Variants in COL20A1 observed in about 807,000 individuals in gnomAD.
The protein encoded by COL20A1 is collagen alpha-1(XX) chain.
COL20A1 carries 164 observed loss-of-function variants against 152.9 expected under a neutral mutation model. That is an observed-to-expected ratio of 1.07 (90% CI 0.94 to 1.22). The LOEUF (loss-of-function observed/expected upper bound fraction) is 1.22, where lower values mean the gene tolerates loss of function less well. COL20A1 is among the 50% of genes most tolerant of loss of function. The probability of loss-of-function intolerance (pLI) is 0.00; values close to 1 mark genes in which losing one functional copy is unlikely to be tolerated. For synonymous variants in COL20A1, 864 were observed against 756.0 expected (o/e 1.14, Z -2.34); for missense variants, 1,873 against 1,744.8 (o/e 1.07, Z -1.31).
Position 63,323,111 on chromosome 20 carries a change from A to G in COL20A1, c.3294+1000A>G, listed in dbSNP as rs1388661590. On this transcript the variant is annotated intron_variant, in intron 27 of 35. Coordinates refer to ENST00000358894, the MANE Select transcript of COL20A1 (RefSeq NM_020882.4). ...GGCTGCTTTGGGAGCCGCGTCTGAT[A>G]GATGAAAATGCATTTCTCTTCCAAG... Among the ~76,000 whole-genome samples, 5 of 152,276 alleles carry G rather than the reference A, an allele frequency of 3.3e-5. No individual in the cohort carries two copies. The East Asian group carries it at 9.6e-4, about 29-fold the overall frequency.
chr20:63,295,028 T>C (rs900719282), intron 1 of COL20A1, 70 bp from the exon 2 acceptor site: 5 of 987,844 alleles, frequency 5.1e-6, no homozygotes, highest in Non-Finnish European at 7.6e-6. Context: ...TTGGAGAAGC[T>C]CTGGCGTTGT....
chr20:63,311,883 G>C lies in COL20A1; in HGVS notation c.1664-33G>C. 1 of 1,513,656 alleles carries C rather than the reference G, an allele frequency of 6.6e-7. No individual in the cohort carries two copies. The highest frequency in any genetic ancestry group is 2.4e-5 in the East Asian group (1 of 40,876). The allele number at this position is 1,513,656 out of a possible 1,614,324, so 93.8% of individuals were successfully genotyped here. ...CCCTTGCCCCTGCCATGGAGGCCGC[G>C]TGCTGGCCTTGAGGCTCTGCTGTGC... On this transcript the variant is annotated intron_variant, in intron 13 of 35. Transcript: ENST00000358894. The surrounding 1 kb of genome is among the most constrained non-coding windows in gnomAD (Gnocchi z 4.4).
chr20:63,320,535 G>A (rs994210475), intron 25 of COL20A1, among the ~76,000 whole-genome samples, 167 bp downstream of exon 25: 8 of 152,228 alleles, frequency 5.3e-5, no homozygotes, highest in African/African-American at 1.9e-4. Flanking sequence ...TGAGCCCAGA[G>A]GGGCTGGACA....
In COL20A1 at chr20:63,313,885, G is replaced by C. The variant is rs41283002; in HGVS notation, c.2352G>C (p.Glu784Asp). The C allele has an allele frequency of 3.1e-6, 5 of 1,601,076 alleles. No individual in the cohort carries two copies. The highest frequency in any genetic ancestry group is 4.3e-6 in the Non-Finnish European group (5 of 1,174,444). Residue 784 changes from glutamate to aspartate, a missense_variant, in exon 18 of 36, where the codon GAG (glutamate) becomes GAC (aspartate). Physicochemically the swap from Glu to Asp is conservative, Grantham distance 45. Transcript: ENST00000358894. This position sits in a 1 kb window ranked among gnomAD's most constrained non-coding sequence, Gnocchi z 5.9. ...CCCCCGCCTCTGGCTTGGGACCCGAGAAATCCGTGAGTCTTGGTAGAGCCT... is the reference window on the plus strand; with the variant it reads ...CCCCCGCCTCTGGCTTGGGACCCGACAAATCCGTGAGTCTTGGTAGAGCCT... ...TYAPASGLGP[E>D]KSVSVPGARS...
rs1055960486 is a variant in COL20A1, at chr20:63,325,783, GC to G, written c.3402+64del. 6.7e-6 allele frequency: 10 copies of G among 1,481,482 alleles called. No individual in the cohort carries two copies. The Admixed American group carries it at 1.4e-4, about 21-fold the overall frequency. The allele number at this position is 1,481,482 out of a possible 1,614,324, so 91.8% of individuals were successfully genotyped here. On this transcript the variant is annotated intron_variant, in intron 29 of 35. Coordinates refer to ENST00000358894, the MANE Select transcript of COL20A1 (RefSeq NM_020882.4). ...GTAGAGACTGGCCTGGGGACGGGGG[GC>G]CTTGGAGATGGAGGCTGTGGGGTAG...
At chr20:63,310,559 C>CA in intron 11 of COL20A1, 49 bp downstream of exon 11, 2 of 1,528,942 alleles carry the variant, frequency 1.3e-6, no homozygotes, top group Non-Finnish European at 1.8e-6. Context: ...AGGCCCCACT[C>CA]ACGGCTGTCC....
chr20:63,306,042 G>A lies in COL20A1; in HGVS notation c.496+3G>A. On this transcript the variant is annotated splice_donor_region_variant and intron_variant, in intron 5 of 35. Coordinates refer to ENST00000358894, the MANE Select transcript of COL20A1 (RefSeq NM_020882.4). This position sits in a 1 kb window ranked among gnomAD's most constrained non-coding sequence, Gnocchi z 6.9. ...AAGCCAGGATCCGCGCACTCCTGGT[G>A]GGTCAGAGTGGAGAGAGAGTAAGTC... 6.3e-7 allele frequency: 1 copy of A among 1,597,754 alleles called. No individual in the cohort carries two copies. The highest frequency in any genetic ancestry group is 8.5e-7 in the Non-Finnish European group (1 of 1,173,660).
In COL20A1 at chr20:63,320,274, G is replaced by A. The variant is rs1601433132; in HGVS notation, c.3076-17G>A. The A allele has an allele frequency of 6.2e-7, 1 of 1,608,196 alleles. No individual in the cohort carries two copies. The highest frequency in any genetic ancestry group is 1.1e-5 in the South Asian group (1 of 91,058). On this transcript the variant is annotated splice_polypyrimidine_tract_variant and intron_variant, in intron 24 of 35. Coordinates refer to ENST00000358894, the MANE Select transcript of COL20A1 (RefSeq NM_020882.4). ...CTCTCTGAGCCCCGGGGCTGAGCCGGCTCCCCTGCGTTGCAGTTTCAGCTC... is the reference window on the plus strand; with the variant it reads ...CTCTCTGAGCCCCGGGGCTGAGCCGACTCCCCTGCGTTGCAGTTTCAGCTC...
rs527916463 is a variant in COL20A1 at position 63,317,620 on chromosome 20, C to T, written c.2663+929C>T. 1.4e-4 allele frequency among the ~76,000 whole-genome samples: 22 copies of T among 152,170 alleles called. No individual in the cohort carries two copies. In the South Asian group the frequency reaches 3.7e-3, roughly 26 times the overall value. ...GCCTGTTTTGTCCCCACACAGCCGCCGGCCCATGTGCTATGCTCGGCCCTG... is the reference window on the plus strand; with the variant it reads ...GCCTGTTTTGTCCCCACACAGCCGCTGGCCCATGTGCTATGCTCGGCCCTG... On this transcript the variant is annotated intron_variant, in intron 21 of 35. Coordinates refer to ENST00000358894, the MANE Select transcript of COL20A1 (RefSeq NM_020882.4).
Position 63,334,350 on chromosome 20 carries a change from ATC to A in COL20A1, c.*3638_*3639del, listed in dbSNP as rs1568795697. ...ATGATGGATGCAGCGCCACGTCAGA[ATC>A]TCTGTGCTGCAGCTGCAGTGGTACC... On this transcript the variant is annotated 3_prime_UTR_variant, in exon 36 of 36. Coordinates refer to ENST00000358894, the MANE Select transcript of COL20A1 (RefSeq NM_020882.4). 1.3e-5 allele frequency: 2 copies of A among 152,264 alleles called. No individual in the cohort carries two copies. The highest frequency in any genetic ancestry group is 4.1e-4 in the South Asian group (2 of 4,828). The allele number at this position is 152,264 out of a possible 1,614,324, so 9.4% of individuals were successfully genotyped here. A position where few individuals can be genotyped will look rare whatever the true frequency, so the allele number is the denominator to read the frequency against.
intron 3 of COL20A1, among the ~76,000 whole-genome samples, chr20:63,299,889 C>CGTGT (rs372227312): frequency 5.4e-5 from 8 of 148,028 alleles, no homozygotes; most frequent in East Asian, 3.9e-4. Context: ...TATATATGTA[C>CGTGT]GTGTGTGTGT....
intron 35 of COL20A1, 128 bp from the exon 36 acceptor site, chr20:63,330,592 T>G (rs1482699265): frequency 6.6e-6 from 1 of 152,416 alleles, no homozygotes; most frequent in East Asian, 1.9e-4. Context: ...CTCACGGCCC[T>G]GCTGGACGCA....
rs752567070 is a variant in COL20A1, at chr20:63,315,398, C to T, written c.2489-6C>T. 1.1e-5 allele frequency: 18 copies of T among 1,574,262 alleles called. No homozygotes were observed. Among genetic ancestry groups the T allele is most frequent in the African/African-American group, 2.7e-5 (2 of 74,282 alleles). Reference sequence around the variant, plus strand: ...CACTCACACTGACCCTGTCTCCTCTCAGCAGCCTGCCCAGCCCTCCGCCCT... The same window carrying T: ...CACTCACACTGACCCTGTCTCCTCTTAGCAGCCTGCCCAGCCCTCCGCCCT... On this transcript the variant is annotated splice_region_variant and splice_polypyrimidine_tract_variant and intron_variant, in intron 19 of 35. Coordinates refer to ENST00000358894, the MANE Select transcript of COL20A1 (RefSeq NM_020882.4).
Position 63,318,898 on chromosome 20 carries a change from C to T in COL20A1, c.2664-160C>T, listed in dbSNP as rs915682983. 2.0e-5 allele frequency among the ~76,000 whole-genome samples: 3 copies of T among 152,052 alleles called. No homozygotes were observed. In the East Asian group the frequency reaches 5.8e-4, roughly 30 times the overall value. ...GGAGCCAGCGGCCTCCACGCTCAGTCTACAGCTGGGAAGGGTGTGCGGGTG... is the reference window on the plus strand; with the variant it reads ...GGAGCCAGCGGCCTCCACGCTCAGTTTACAGCTGGGAAGGGTGTGCGGGTG... On this transcript the variant is annotated intron_variant, in intron 21 of 35. Coordinates refer to ENST00000358894, the MANE Select transcript of COL20A1 (RefSeq NM_020882.4).
At chr20:63,296,165 C>T (rs886864200) in intron 2 of COL20A1, among the ~76,000 whole-genome samples, 3 of 152,268 alleles carry the variant, frequency 2.0e-5, no homozygotes, top group African/African-American at 7.2e-5. Context: ...CAGGTTTGCC[C>T]TGCACACAGG....
chr20:63,307,094 G>C (rs995257436), intron 5 of COL20A1, among the ~76,000 whole-genome samples: 1 of 152,220 alleles, frequency 6.6e-6, no homozygotes, highest in Non-Finnish European at 1.5e-5. Flanking sequence ...CCCGGGGAGC[G>C]CCAGACCGGG....
Position 63,320,036 on chromosome 20 carries a change from C to T in COL20A1, c.2917-3C>T, listed in dbSNP as rs1195063699. 6.4e-7 allele frequency: 1 copy of T among 1,552,904 alleles called. No individual in the cohort carries two copies. Among genetic ancestry groups the T allele is most frequent in the Non-Finnish European group, 8.7e-7 (1 of 1,148,950 alleles). On this transcript the variant is annotated splice_polypyrimidine_tract_variant and splice_region_variant and intron_variant, in intron 23 of 35. Coordinates refer to ENST00000358894, the MANE Select transcript of COL20A1 (RefSeq NM_020882.4). ...GTGGAGAACCTCCCGTGCCGTCTCA[C>T]AGGTGCACGTGGCTGTGGGCCGCTC...
chr20:63,324,426 C>T (rs1304195691), intron 27 of COL20A1: 1 of 152,216 alleles, frequency 6.6e-6, no homozygotes, highest in Non-Finnish European at 1.5e-5. Flanking sequence ...AGCATTTGAC[C>T]ATTAAAGTGC....
intron 3 of COL20A1, among the ~76,000 whole-genome samples, chr20:63,303,138 A>G (rs1375918660): frequency 6.6e-6 from 1 of 152,224 alleles, no homozygotes; most frequent in African/African-American, 2.4e-5. Context: ...TCAGCATATG[A>G]TATACATAAT....
Sources: allele counts gnomAD v4.1 joint callset (sites outside exome capture counted in the v4.1 genomes callset), GRCh38; gene constraint gnomAD v4.1.1; non-coding constraint Gnocchi (gnomAD v3.1); transcripts MANE v1.5; gene names NCBI Gene and HGNC (gene_info 2026-07-23, HGNC 2026-07-21).